WDFY2: variants seen among roughly 807,000 people sequenced by gnomAD.
WDFY2 encodes WD repeat and FYVE domain containing 2, also known as WD repeat and FYVE domain-containing protein 2.
A neutral mutation model predicts 56.4 loss-of-function variants in WDFY2; 36 were observed. That is an observed-to-expected ratio of 0.64 (90% CI 0.49 to 0.84). WDFY2 has a LOEUF of 0.84. WDFY2 is among the 40% of genes least tolerant of loss of function. WDFY2 has a pLI of 0.00. For synonymous variants in WDFY2, 176 were observed against 183.7 expected (o/e 0.96, Z 0.34); for missense variants, 444 against 512.2 (o/e 0.87, Z 1.29).
intron 2 of WDFY2, among the ~76,000 whole-genome samples, chr13:51,667,945 G>A (rs60092893): frequency 0.023 from 2,844 of 121,900 alleles, 102 homozygotes; most frequent in African/African-American, 0.085. Flanking sequence ...AGGCTGCAGT[G>A]CAGTGGCACG....
chr13:51,689,966 T>C (rs1224443367), intron 3 of WDFY2, among the ~76,000 whole-genome samples: 1 of 152,090 alleles, frequency 6.6e-6, no homozygotes, highest in Non-Finnish European at 1.5e-5. Context: ...ATGTGCAAAT[T>C]GTATGCAGAA....
At chr13:51,689,702 T>C (rs1381937288) in intron 3 of WDFY2, among the ~76,000 whole-genome samples, 1 of 152,152 alleles carries the variant, frequency 6.6e-6, no homozygotes, top group Non-Finnish European at 1.5e-5. Context: ...GCACGTACCC[T>C]CTGGGTTCCT....
intron 2 of WDFY2, among the ~76,000 whole-genome samples, chr13:51,663,397 G>C (rs1955647637): frequency 6.6e-6 from 1 of 152,102 alleles, no homozygotes; most frequent in Non-Finnish European, 1.5e-5. Flanking sequence ...GGGATTTGCA[G>C]ACAAACAAGA....
intron 1 of WDFY2, among the ~76,000 whole-genome samples, chr13:51,644,497 A>G (rs2138411658): frequency 6.6e-6 from 1 of 152,370 alleles, no homozygotes; most frequent in East Asian, 1.9e-4. Flanking sequence ...AGGCTTTCAC[A>G]GCCTTTGGAT....
rs549735762 is a variant in WDFY2, at chr13:51,677,110, G to A, written c.279+1867G>A. On this transcript the variant is annotated intron_variant, in intron 3 of 11. Coordinates refer to ENST00000298125, the MANE Select transcript of WDFY2 (RefSeq NM_052950.4). Reference sequence around the variant, plus strand: ...TAGCTATTTATTGTATATAAGAGGCGAAACCATCTTAGCCATTATTCTTTT... The same window carrying A: ...TAGCTATTTATTGTATATAAGAGGCAAAACCATCTTAGCCATTATTCTTTT... Among the ~76,000 whole-genome samples, 7 of 152,260 alleles carry A rather than the reference G, an allele frequency of 4.6e-5. No homozygotes were observed. The East Asian group carries it at 9.6e-4, about 21-fold the overall frequency.
In WDFY2 at chr13:51,633,369, A is replaced by C. The variant is rs149545010; in HGVS notation, c.138-27227A>C. Among the ~76,000 whole-genome samples the C allele has an allele frequency of 1.1e-4, 17 of 152,360 alleles. No homozygotes were observed. In the East Asian group the frequency reaches 3.3e-3, roughly 29 times the overall value. ...GTTCCAATCTTGGTTGTGCTACTTGAGAACTGTATAACATTGGTCATCTTG... is the reference window on the plus strand; with the variant it reads ...GTTCCAATCTTGGTTGTGCTACTTGCGAACTGTATAACATTGGTCATCTTG... On this transcript the variant is annotated intron_variant, in intron 1 of 11. Coordinates refer to ENST00000298125, the MANE Select transcript of WDFY2 (RefSeq NM_052950.4).
chr13:51,720,766 T>G (rs749492162), intron 5 of WDFY2, among the ~76,000 whole-genome samples: 14 of 152,212 alleles, frequency 9.2e-5, no homozygotes, highest in African/African-American at 3.1e-4. Flanking sequence ...ACTCGCTTCC[T>G]GCTTCGTAGA....
rs1027393448 is a variant in WDFY2 at position 51,765,862 on chromosome 13, GTTTACC to G, written c.*6099_*6104del. ...TCATTAAAAATAGATACCTCAAAAT[GTTTACC>G]TTTACAAGTCAAGAAGAGTATCTGA... On this transcript the variant is annotated 3_prime_UTR_variant, in exon 12 of 12. Transcript: ENST00000298125. 8 of 152,268 alleles carry G rather than the reference GTTTACC, an allele frequency of 5.3e-5. No homozygotes were observed. In the South Asian group the frequency reaches 6.2e-4, roughly 12 times the overall value. The allele number at this position is 152,268 out of a possible 1,614,324, so 9.4% of individuals were successfully genotyped here.
chr13:51,737,949 G>T (rs1339446545), intron 6 of WDFY2, among the ~76,000 whole-genome samples: 1 of 152,166 alleles, frequency 6.6e-6, no homozygotes, highest in Non-Finnish European at 1.5e-5. Flanking sequence ...AGTAGAGTTT[G>T]GGGTTCCCCC....
intron 1 of WDFY2, among the ~76,000 whole-genome samples, chr13:51,648,086 C>T (rs17597531): frequency 0.14 from 20,670 of 152,122 alleles, 1,757 homozygotes; most frequent in South Asian, 0.23. Flanking sequence ...CCTGAGGTCG[C>T]ACTTGTCCTG....
chr13:51,586,903 CTT>C (rs1471652039), intron 1 of WDFY2: 4 of 151,886 alleles, frequency 2.6e-5, no homozygotes, highest in Non-Finnish European at 5.9e-5. Context: ...ATGAACATAA[CTT>C]TGTTATTTAG....
intron 1 of WDFY2, among the ~76,000 whole-genome samples, chr13:51,628,632 C>T (rs1351707009): frequency 6.6e-6 from 1 of 152,176 alleles, no homozygotes; most frequent in African/African-American, 2.4e-5. Flanking sequence ...CTGCAGCCGG[C>T]CTCTTCCGAG....
intron 1 of WDFY2, among the ~76,000 whole-genome samples, chr13:51,619,848 G>A (rs544055067): frequency 3.9e-5 from 6 of 152,334 alleles, no homozygotes; most frequent in East Asian, 1.9e-4. Context: ...ACAGCTGGGC[G>A]TTTGCCTTAT....
Position 51,759,930 on chromosome 13 carries a change from C to T in WDFY2, c.*161C>T. ...CCCATGTGCACAGTGGGGACCTGGC[C>T]AGTGAGCACTCGCAAGGGGACTCTT... On this transcript the variant is annotated 3_prime_UTR_variant, in exon 12 of 12. Transcript: ENST00000298125. 1 of 661,480 alleles carries T rather than the reference C, an allele frequency of 1.5e-6. No individual in the cohort carries two copies. Among genetic ancestry groups the T allele is most frequent in the Non-Finnish European group, 2.6e-6 (1 of 387,036 alleles). 41.0% of individuals were successfully genotyped at this position (661,480 alleles called of 1,614,324 possible).
At position 51,760,582 on chromosome 13, in the gene WDFY2, T is replaced by G. The variant is rs1026041323; in HGVS notation, c.*813T>G. 4.6e-5 allele frequency: 7 copies of G among 152,162 alleles called. No homozygotes were observed. Among genetic ancestry groups the G allele is most frequent in the African/African-American group, 1.7e-4 (7 of 41,424 alleles). 9.4% of individuals were successfully genotyped at this position (152,162 alleles called of 1,614,324 possible). A position where few individuals can be genotyped will look rare whatever the true frequency, so the allele number is the denominator to read the frequency against. ...TTCAGTTGGAGCCTCCTGAGCCTCT[T>G]GTTTTAGCTTTTTTGACGCAGCTCT... On this transcript the variant is annotated 3_prime_UTR_variant, in exon 12 of 12. Transcript: ENST00000298125.
chr13:51,740,509 T>G (rs1566212732), intron 7 of WDFY2, among the ~76,000 whole-genome samples: 1 of 151,070 alleles, frequency 6.6e-6, no homozygotes, highest in Non-Finnish European at 1.5e-5. Context: ...AGGTCAAGAG[T>G]TTGAGACCAG....
chr13:51,694,873 G>C (rs1951829334), intron 3 of WDFY2, among the ~76,000 whole-genome samples: 2 of 151,988 alleles, frequency 1.3e-5, no homozygotes, highest in Non-Finnish European at 2.9e-5. Flanking sequence ...TGGAGGCTTT[G>C]TTCGTTTCTT....
chr13:51,653,585 G>A (rs986194622), intron 1 of WDFY2, among the ~76,000 whole-genome samples: 1 of 152,166 alleles, frequency 6.6e-6, no homozygotes, highest in African/African-American at 2.4e-5. Flanking sequence ...GTTTTGGTGT[G>A]CATGTCCTTT....
In WDFY2 at chr13:51,660,607, T is replaced by C; in HGVS notation, c.149T>C (p.Val50Ala). ...TTCTTCTGTTGTAGGACAGTTCGTG[T>C]TTGGTTAAAGAGAGACAGTGGACAG... ...ISVSEDRTVR[V>A]WLKRDSGQYW... is the part of the protein sequence containing the mutation. The change falls in exon 2 of 12, where the codon GTT (valine) becomes GCT (alanine). Residue 50 changes from valine (V) to alanine (A), a missense_variant. Transcript: ENST00000298125. 6.2e-7 allele frequency: 1 copy of C among 1,613,946 alleles called. No homozygotes were observed. The highest frequency in any genetic ancestry group is 8.5e-7 in the Non-Finnish European group (1 of 1,179,874).
Sources: allele counts gnomAD v4.1 joint callset (sites outside exome capture counted in the v4.1 genomes callset), GRCh38; gene constraint gnomAD v4.1.1; transcripts MANE v1.5; gene names NCBI Gene and HGNC (gene_info 2026-07-23, HGNC 2026-07-21).